ARHGAP44: variants seen among roughly 807,000 people sequenced by gnomAD.
ARHGAP44 encodes rho GTPase-activating protein 44.
Under a neutral mutation model 106.8 loss-of-function variants are expected in ARHGAP44, and 43 were observed. That is an observed-to-expected ratio of 0.40 (90% CI 0.32 to 0.52). ARHGAP44 has a LOEUF of 0.52. Ranked by LOEUF, ARHGAP44 falls within the 20% of genes least tolerant of loss-of-function variation. The pLI, the probability that ARHGAP44 is intolerant of heterozygous loss-of-function variation, is 0.48. For missense variants in ARHGAP44, 866 were observed against 1,050.5 expected, an observed-to-expected ratio of 0.82 and a Z score of 2.43; for synonymous variants, 439 against 410.3, an observed-to-expected ratio of 1.07 and a Z score of -0.85.
chr17:12,973,899 T>C, intron 17 of ARHGAP44, 190 bp from the exon 18 acceptor site: 1 of 656,848 alleles, frequency 1.5e-6, no homozygotes, highest in Admixed American at 2.4e-5. Flanking sequence ...TGCCCAGGGC[T>C]GTGTCTTGGC....
At chr17:12,853,714 G>A (rs374710369) in intron 1 of ARHGAP44, among the ~76,000 whole-genome samples, 2 of 152,134 alleles carry the variant, frequency 1.3e-5, no homozygotes, top group Admixed American at 6.5e-5. Flanking sequence ...GAGTTAACTC[G>A]CATTTTCTCT....
Position 12,854,958 on chromosome 17 carries a change from CAA to C in ARHGAP44, c.54-39959_54-39958del, listed in dbSNP as rs1182512832. ...GGGCAACAAGAGCAAAACTCTGTCTCAAAAAAAAAAAAAAAAAAAAAAAAGAA... is the reference window on the plus strand; with the variant it reads ...GGGCAACAAGAGCAAAACTCTGTCTCAAAAAAAAAAAAAAAAAAAAAAGAA... On this transcript the variant is annotated intron_variant, in intron 1 of 20. Transcript: ENST00000379672. 6.0e-3 allele frequency among the ~76,000 whole-genome samples: 305 copies of C among 50,920 alleles called. 2 individuals are homozygous for C. Among genetic ancestry groups the C allele is most frequent in the African/African-American group, 0.016 (297 of 18,670 alleles). The allele number at this position is 50,920 out of a possible 152,430, so 33.4% of individuals were successfully genotyped here.
chr17:12,795,556 A>G (rs1004572761), intron 1 of ARHGAP44, among the ~76,000 whole-genome samples: 2 of 150,754 alleles, frequency 1.3e-5, no homozygotes, highest in African/African-American at 4.9e-5. Context: ...GGCAATAAGG[A>G]CCATTTTTTT....
chr17:12,889,806 C>T (rs897728122), intron 1 of ARHGAP44, among the ~76,000 whole-genome samples: 5 of 152,162 alleles, frequency 3.3e-5, no homozygotes, highest in Non-Finnish European at 7.3e-5. Flanking sequence ...AACAAGTAAT[C>T]TACCTTAAAA....
Position 12,990,749 on chromosome 17 carries a change from A to T in ARHGAP44, c.*578A>T, listed in dbSNP as rs1178317644. 6.6e-6 allele frequency: 1 copy of T among 152,386 alleles called. No individual in the cohort carries two copies. The highest frequency in any genetic ancestry group is 2.4e-5 in the African/African-American group (1 of 41,472). 9.4% of individuals were successfully genotyped at this position (152,386 alleles called of 1,614,324 possible). The stretch of plus-strand genomic sequence containing the variant: ...GAAAACCTTTCAGGCCGCCCCCATC[A>T]GTGGGCTCCAAAGTAAATGGCTGAA... On this transcript the variant is annotated 3_prime_UTR_variant, in exon 21 of 21. Coordinates refer to ENST00000379672, the MANE Select transcript of ARHGAP44 (RefSeq NM_014859.6).
chr17:12,807,470 G>A (rs1273120638), intron 1 of ARHGAP44, among the ~76,000 whole-genome samples: 1 of 152,192 alleles, frequency 6.6e-6, no homozygotes. Context: ...CATGGCTGGG[G>A]AGGCCTCACA....
intron 12 of ARHGAP44, 93 bp from the exon 13 acceptor site, chr17:12,952,408 G>T (rs1012982486): frequency 1.2e-4 from 126 of 1,031,968 alleles, no homozygotes; most frequent in Non-Finnish European, 1.7e-4. Context: ...TACAGTGGTT[G>T]GTATCAAATA....
rs538690224 is a variant in ARHGAP44, at chr17:12,961,533, G to A, written c.1523+2636G>A. 1.4e-4 allele frequency among the ~76,000 whole-genome samples: 21 copies of A among 152,288 alleles called. No individual in the cohort carries two copies. The South Asian group carries it at 3.7e-3, about 27-fold the overall frequency. On this transcript the variant is annotated intron_variant, in intron 16 of 20. Transcript: ENST00000379672. ...GTGGATCACCTGAGCTTGGGAGTTC[G>A]AGACCAGCCTGACCAACAGGCAGAA...
chr17:12,932,537 A>T (rs2150970145), intron 7 of ARHGAP44, among the ~76,000 whole-genome samples: 1 of 152,268 alleles, frequency 6.6e-6, no homozygotes, highest in South Asian at 2.1e-4. Context: ...TTTCCTTTGC[A>T]TGGGAAAAGA....
At chr17:12,828,992 T>C (rs2035009405) in intron 1 of ARHGAP44, among the ~76,000 whole-genome samples, 1 of 152,134 alleles carries the variant, frequency 6.6e-6, no homozygotes, top group Non-Finnish European at 1.5e-5. Flanking sequence ...AATTGACCTA[T>C]AACTTTATTT....
At chr17:12,973,061 A>C in intron 16 of ARHGAP44, 1 of 449,152 alleles carries the variant, frequency 2.2e-6, no homozygotes, top group Non-Finnish European at 3.9e-6. Flanking sequence ...TGCCACACCA[A>C]TATCAACTCT....
intron 16 of ARHGAP44, among the ~76,000 whole-genome samples, chr17:12,971,363 C>G (rs567106065): frequency 1.1e-3 from 168 of 151,988 alleles, no homozygotes; most frequent in Non-Finnish European, 2.0e-3. Context: ...GTGGGAAAGC[C>G]TTTTTCAAGT....
chr17:12,802,950 TATATATATATATA>T (rs1430684725), intron 1 of ARHGAP44, among the ~76,000 whole-genome samples: 1,136 of 30,882 alleles, frequency 0.037, 200 homozygotes, highest in African/African-American at 0.14. Flanking sequence ...TATATATATA[TATATATATATATA>T]TATATATTTT....
chr17:12,885,324 GGTGTGTGTGT>G (rs146415425), intron 1 of ARHGAP44, among the ~76,000 whole-genome samples: 4 of 148,710 alleles, frequency 2.7e-5, no homozygotes, highest in African/African-American at 7.4e-5. Context: ...TCACAGAGTA[GGTGTGTGTGT>G]GTGTGTGTGT....
chr17:12,791,915 C>G (rs1046885088), intron 1 of ARHGAP44, among the ~76,000 whole-genome samples: 9 of 152,136 alleles, frequency 5.9e-5, no homozygotes, highest in Non-Finnish European at 2.9e-5. Context: ...CAGAGCAAGC[C>G]TTTTAAAGCA....
chr17:12,892,095 G>C (rs1324979916), intron 1 of ARHGAP44, among the ~76,000 whole-genome samples: 1 of 152,190 alleles, frequency 6.6e-6, no homozygotes, highest in Non-Finnish European at 1.5e-5. Flanking sequence ...CAGCCTTTGG[G>C]TTGTTTTTAG....
intron 3 of ARHGAP44, among the ~76,000 whole-genome samples, chr17:12,906,460 G>A (rs1184583892): frequency 6.6e-6 from 1 of 152,086 alleles, no homozygotes; most frequent in African/African-American, 2.4e-5. Context: ...ATAAATTAGG[G>A]GTCCCACAAC....
chr17:12,982,392 G>A lies in ARHGAP44; in HGVS notation c.1940-2139G>A, dbSNP rs150489909. 5.1e-3 allele frequency among the ~76,000 whole-genome samples: 771 copies of A among 151,696 alleles called. 4 individuals carry two copies. The highest frequency in any genetic ancestry group is 0.017 in the Middle Eastern group (5 of 294). On this transcript the variant is annotated intron_variant, in intron 19 of 20. Coordinates refer to ENST00000379672, the MANE Select transcript of ARHGAP44 (RefSeq NM_014859.6). ...TTCACATCCTATTCCTGTCACCACC[G>A]GAAGTGGTAAATGTCATCACAGACA... is the stretch of plus-strand genomic sequence containing the variant.
intron 1 of ARHGAP44, among the ~76,000 whole-genome samples, chr17:12,801,418 C>G (rs1199907763): frequency 6.6e-6 from 1 of 152,212 alleles, no homozygotes; most frequent in Non-Finnish European, 1.5e-5. Context: ...AGTCTCAGAG[C>G]AGGTGAGTGC....
Sources: gnomAD v4.1 joint callset for allele counts (sites outside exome capture counted in the v4.1 genomes callset) on GRCh38, gnomAD v4.1.1 for gene constraint, MANE v1.5 for transcripts, NCBI Gene and HGNC (gene_info 2026-07-23, HGNC 2026-07-21) for gene names.